The following KIAA1210 variants were observed in gnomAD, a reference collection of about 807,000 sequenced individuals.
The protein encoded by KIAA1210 is KIAA1210, also known as acrosomal protein KIAA1210.
In KIAA1210, 48 loss-of-function variants were observed where a neutral mutation model predicts 78.9. The ratio of observed to expected loss-of-function variants is 0.61; its 90% CI spans 0.48 to 0.77. KIAA1210 has a LOEUF of 0.77. KIAA1210 is among the 30% of genes least tolerant of loss of function. The pLI is 0.00. For synonymous variants in KIAA1210, 406 were observed against 404.5 expected (o/e 1.00, Z -0.04); for missense variants, 1,108 against 1,100.0 (o/e 1.01, Z -0.10).
Position 119,124,976 on chromosome X carries a change from C to T in KIAA1210, c.-10-1324G>A, listed in dbSNP as rs770063237. The stretch of plus-strand genomic sequence containing the variant: ...AAAACAATACTAGCAACAAATATAA[C>T]AGATACAGGGGCCAAATTTCTTAAT... On this transcript the variant is annotated intron_variant, in intron 1 of 11. Transcript: ENST00000691062. Among the ~76,000 whole-genome samples the T allele has an allele frequency of 4.6e-5, 5 of 109,882 alleles. No individual in the cohort carries two copies. The East Asian group carries it at 1.4e-3, about 31-fold the overall frequency.
At chrX:119,129,482 A>G (rs769830776), upstream of KIAA1210, among the ~76,000 whole-genome samples, 13 of 111,460 alleles carry the variant, frequency 1.2e-4, no homozygotes, top group African/African-American at 4.2e-4. Flanking sequence ...TAAGTAAAAT[A>G]TATTATTAAA....
intron 1 of KIAA1210, among the ~76,000 whole-genome samples, chrX:119,149,174 C>T (rs772849545): frequency 9.0e-6 from 1 of 110,706 alleles, no homozygotes; most frequent in Non-Finnish European, 1.9e-5. Context: ...GAGGACCCGA[C>T]AGTTCCTCCA....
chrX:119,121,873 A>T (rs769450258), intron 2 of KIAA1210, among the ~76,000 whole-genome samples: 3 of 108,841 alleles, frequency 2.8e-5, no homozygotes, highest in Non-Finnish European at 5.7e-5. Flanking sequence ...GGTTCACGCC[A>T]TTCTTCTGCC....
intron 6 of KIAA1210, among the ~76,000 whole-genome samples, chrX:119,103,197 G>C (rs1212536369): frequency 9.0e-6 from 1 of 111,582 alleles, no homozygotes; most frequent in Admixed American, 9.6e-5. Flanking sequence ...TTTCGAAATT[G>C]TTTCTGACCT....
intron 3 of KIAA1210, among the ~76,000 whole-genome samples, chrX:119,113,951 G>T (rs1928169132): frequency 8.9e-6 from 1 of 111,868 alleles, no homozygotes; most frequent in Non-Finnish European, 1.9e-5. Context: ...TAGATTAGTG[G>T]TTATTTAGGG....
intron 1 of KIAA1210, chrX:119,150,165 G>C: frequency 1.4e-6 from 1 of 713,075 alleles, no homozygotes; most frequent in Non-Finnish European, 2.0e-6. Flanking sequence ...CTATAGCTTT[G>C]TCCAGTCTCT....
intron 6 of KIAA1210, among the ~76,000 whole-genome samples, chrX:119,098,503 G>A (rs907348836): frequency 1.8e-5 from 2 of 108,991 alleles, no homozygotes; most frequent in Admixed American, 2.0e-4. Context: ...TACTTGGGAG[G>A]CTGAGGCAGG....
chrX:119,136,440 C>T (rs187138770), intron 2 of KIAA1210, among the ~76,000 whole-genome samples: 2 of 111,969 alleles, frequency 1.8e-5, no homozygotes, highest in Non-Finnish European at 3.8e-5. Context: ...ATATAGAAGT[C>T]TCTGAGTGAA....
chrX:119,144,029 G>C (rs1347739956), intron 2 of KIAA1210, among the ~76,000 whole-genome samples: 2 of 112,441 alleles, frequency 1.8e-5, no homozygotes, highest in East Asian at 2.8e-4. Context: ...CAGACACTCT[G>C]CCTAAGTGGC....
At chrX:119,135,969 C>T (rs1928903554) in intron 2 of KIAA1210, among the ~76,000 whole-genome samples, 1 of 110,894 alleles carries the variant, frequency 9.0e-6, no homozygotes, top group Non-Finnish European at 1.9e-5. Context: ...CAGAGAATAG[C>T]TTGAACCTGG....
At chrX:119,084,319 T>A (rs957152636) in intron 10 of KIAA1210, among the ~76,000 whole-genome samples, 1 of 111,450 alleles carries the variant, frequency 9.0e-6, no homozygotes. Flanking sequence ...TCACATTTTA[T>A]AACTTACAGG....
At chrX:119,145,280 G>A (rs1163607123) in intron 2 of KIAA1210, among the ~76,000 whole-genome samples, 2 of 110,774 alleles carry the variant, frequency 1.8e-5, no homozygotes, top group Non-Finnish European at 3.8e-5. Context: ...AAATTCTTTG[G>A]TAGGAGGTAG....
At chrX:119,150,231 A>C (rs1037289775) in intron 1 of KIAA1210, 15 of 1,101,382 alleles carry the variant, frequency 1.4e-5, no homozygotes, top group Non-Finnish European at 1.8e-5. Context: ...CCCTTCTCAG[A>C]CTTGAGTCAT....
At chrX:119,083,949 T>C (rs1222547594) in intron 10 of KIAA1210, among the ~76,000 whole-genome samples, 2 of 90,183 alleles carry the variant, frequency 2.2e-5, no homozygotes, top group African/African-American at 8.9e-5. Context: ...CAGTGAGCTG[T>C]GATTGCACCA....
At chrX:119,138,054 A>G (rs1227476997) in intron 2 of KIAA1210, among the ~76,000 whole-genome samples, 1 of 110,699 alleles carries the variant, frequency 9.0e-6, no homozygotes, top group Non-Finnish European at 1.9e-5. Context: ...CTGAAGGGGA[A>G]CAACATAGGA....
intron 1 of KIAA1210, among the ~76,000 whole-genome samples, chrX:119,149,639 T>C (rs1208113882): frequency 8.9e-6 from 1 of 112,359 alleles, no homozygotes; most frequent in Non-Finnish European, 1.9e-5. Context: ...GTTAATATCT[T>C]CTTCCTTTTG....
In KIAA1210 at chrX:119,116,497, T is replaced by C. The variant is rs776415384; in HGVS notation, c.229A>G (p.Arg77Gly). 37 of 1,208,824 alleles carry C rather than the reference T, an allele frequency of 3.1e-5. No individual in the cohort carries two copies. In the South Asian group the frequency reaches 4.2e-4, roughly 14 times the overall value. ...PVRENQPTKA[R>G]AKSSMGSKAL... ...ACTCTCCACCGCATCTGAGCTCACC[T>C]GGCCTTAGTTGGTTGATTTTCCCGA... Residue 77 changes from arginine (R) to glycine (G), a missense_variant and splice_region_variant, in exon 3 of 12, where the codon AGG becomes GGG. This residue lies in a region of KIAA1210 where 672 missense variants were observed against 607.1 expected (regional missense o/e 1.11). Transcript: ENST00000691062.
Position 119,081,603 on chromosome X carries a change from T to C in KIAA1210, c.4427-99A>G. The C allele has an allele frequency of 4.7e-6, 4 of 846,889 alleles. No homozygotes were observed. The South Asian group carries it at 1.1e-4, about 23-fold the overall frequency. 69.8% of individuals were successfully genotyped at this position (846,889 alleles called of 1,213,427 possible). On this transcript the variant is annotated intron_variant, in intron 11 of 11. Transcript: ENST00000691062. ...CATATAATGTTTCCTCCTTTCAGGTTTCCTCTGATCCCCCTGCTCTAGTGC... is the reference window on the plus strand; with the variant it reads ...CATATAATGTTTCCTCCTTTCAGGTCTCCTCTGATCCCCCTGCTCTAGTGC...
intron 3 of KIAA1210, among the ~76,000 whole-genome samples, chrX:119,115,784 G>A (rs778685025): frequency 8.9e-6 from 1 of 111,773 alleles, no homozygotes; most frequent in South Asian, 3.8e-4. Context: ...AATCCTAGGT[G>A]TCCAGATAGC....
Sources: allele counts gnomAD v4.1 joint callset (sites outside exome capture counted in the v4.1 genomes callset), GRCh38; gene constraint gnomAD v4.1.1; regional missense constraint gnomAD v4.1.1; transcripts MANE v1.5; gene names NCBI Gene and HGNC (gene_info 2026-07-23, HGNC 2026-07-21).